Variants in TCF7L2 observed in about 807,000 individuals in gnomAD.
The protein encoded by TCF7L2 is transcription factor 7-like 2.
Under a neutral mutation model 77.9 loss-of-function variants are expected in TCF7L2, and 23 were observed. The ratio of observed to expected loss-of-function variants is 0.30; its 90% CI spans 0.21 to 0.42. The LOEUF (loss-of-function observed/expected upper bound fraction) is 0.42, where lower values mean the gene tolerates loss of function less well. Among genes scored for constraint, TCF7L2 ranks in the 10% least tolerant of loss-of-function variants. The probability of loss-of-function intolerance (pLI) is 1.00; values close to 1 mark genes in which losing one functional copy is unlikely to be tolerated. For missense variants in TCF7L2, 654 were observed against 793.1 expected (o/e 0.82, Z 2.11); for synonymous variants, 413 against 340.2 (o/e 1.21, Z -2.36).
chr10:113,062,979 C>T lies in TCF7L2; in HGVS notation c.552+22853C>T, dbSNP rs146186653. ...CATGAATAATTAGTTGGGGACTGTG[C>T]ATCAGGTCTCTCATTTTACATTCGA... On this transcript the variant is annotated intron_variant, in intron 5 of 13. Coordinates refer to ENST00000627217, the MANE Select transcript of TCF7L2 (RefSeq NM_001146274.2). 2.0e-3 allele frequency among the ~76,000 whole-genome samples: 309 copies of T among 152,252 alleles called. 1 individual carries two copies. Among genetic ancestry groups the T allele is most frequent in the African/African-American group, 7.1e-3 (296 of 41,538 alleles).
chr10:113,070,914 C>T (rs967408096), intron 5 of TCF7L2, among the ~76,000 whole-genome samples: 2 of 152,164 alleles, frequency 1.3e-5, no homozygotes, highest in African/African-American at 2.4e-5. Flanking sequence ...CACAAAACCC[C>T]CGTGTCTCCT....
chr10:113,158,559 G>T, intron 12 of TCF7L2, 108 bp from the exon 13 acceptor site: 1 of 1,084,756 alleles, frequency 9.2e-7, no homozygotes, highest in South Asian at 1.4e-5. Flanking sequence ...GAAGAAATTA[G>T]AAATACTGCA....
intron 5 of TCF7L2, among the ~76,000 whole-genome samples, chr10:113,119,791 A>G (rs1386555171): frequency 1.3e-5 from 2 of 152,136 alleles, no homozygotes; most frequent in Admixed American, 6.5e-5. Flanking sequence ...AGTTTGGTTC[A>G]GTGCATCTGA....
intron 4 of TCF7L2, among the ~76,000 whole-genome samples, chr10:112,972,722 T>C (rs1057400036): frequency 5.3e-5 from 8 of 152,268 alleles, no homozygotes; most frequent in Admixed American, 5.2e-4. Flanking sequence ...CCGCCTGCCT[T>C]AGCCTCCCAA....
intron 5 of TCF7L2, among the ~76,000 whole-genome samples, chr10:113,078,264 A>G (rs571679053): frequency 1.3e-5 from 2 of 152,272 alleles, no homozygotes; most frequent in South Asian, 4.1e-4. Context: ...AGCGGTCCAC[A>G]CAGTTCAACA....
At chr10:112,965,615 CTGTGTGTGTGTATA>C (rs1311799873) in intron 4 of TCF7L2, among the ~76,000 whole-genome samples, 1,813 of 144,016 alleles carry the variant, frequency 0.013, 12 homozygotes, top group South Asian at 0.02. Context: ...GATAACTTGT[CTGTGTGTGTGTATA>C]TGTGTGTGTG....
intron 5 of TCF7L2, among the ~76,000 whole-genome samples, chr10:113,089,983 T>A (rs2060202368): frequency 6.6e-6 from 1 of 152,206 alleles, no homozygotes; most frequent in Admixed American, 6.5e-5. Context: ...TCTTTTAAAA[T>A]TCAGGGTGCT....
At chr10:112,990,490 T>C (rs1041819942) in intron 4 of TCF7L2, among the ~76,000 whole-genome samples, 1 of 151,714 alleles carries the variant, frequency 6.6e-6, no homozygotes, top group African/African-American at 2.4e-5. Flanking sequence ...GTGGATCGCT[T>C]GAGCCCAGAA....
intron 5 of TCF7L2, among the ~76,000 whole-genome samples, chr10:113,064,253 G>A (rs535234654): frequency 8.2e-4 from 125 of 152,330 alleles, no homozygotes; most frequent in African/African-American, 2.9e-3. Context: ...CCTCCTCTGG[G>A]AGAGGGAGGG....
Position 112,964,613 on chromosome 10 carries a change from A to G in TCF7L2, c.439A>G (p.Ile147Val), listed in dbSNP as rs952541643. The change falls in exon 4 of 14, where the codon ATT becomes GTT. Residue 147 changes from isoleucine to valine, a missense_variant. Around this residue, in one of 6 missense-constraint regions of TCF7L2, gnomAD observed 179 missense variants for 270.6 expected, o/e 0.66. Coordinates refer to ENST00000627217, the MANE Select transcript of TCF7L2 (RefSeq NM_001146274.2). The stretch of plus-strand genomic sequence containing the variant: ...TGCGTACAAAACGATTGAACACCAG[A>G]TTGCAGTTCAGGTAGGAAACGCAAG... The G allele has an allele frequency of 6.2e-7, 1 of 1,613,330 alleles. No individual in the cohort carries two copies. Among genetic ancestry groups the G allele is most frequent in the Non-Finnish European group, 8.5e-7 (1 of 1,179,440 alleles).
At chr10:113,003,017 A>G (rs1345869505) in intron 4 of TCF7L2, among the ~76,000 whole-genome samples, 1 of 152,226 alleles carries the variant, frequency 6.6e-6, no homozygotes, top group Non-Finnish European at 1.5e-5. Flanking sequence ...CTTATGAATA[A>G]GTATAGAAAT....
At chr10:112,952,296 C>G (rs1448556466) in intron 3 of TCF7L2, among the ~76,000 whole-genome samples, 1 of 152,198 alleles carries the variant, frequency 6.6e-6, no homozygotes, top group Non-Finnish European at 1.5e-5. Flanking sequence ...GAAGGTCACA[C>G]TTCCCAGATT....
chr10:112,995,850 G>C (rs1455706526), intron 4 of TCF7L2, among the ~76,000 whole-genome samples: 1 of 152,064 alleles, frequency 6.6e-6, no homozygotes, highest in Non-Finnish European at 1.5e-5. Context: ...TGAGGGTAGG[G>C]AGCATCTGTC....
At chr10:113,060,431 A>T (rs1266760765) in intron 5 of TCF7L2, among the ~76,000 whole-genome samples, 1 of 152,080 alleles carries the variant, frequency 6.6e-6, no homozygotes, top group Non-Finnish European at 1.5e-5. Flanking sequence ...TCAGGACCGA[A>T]TGCACTCGAG....
At chr10:112,979,527 C>T (rs1261942801) in intron 4 of TCF7L2, among the ~76,000 whole-genome samples, 2 of 152,050 alleles carry the variant, frequency 1.3e-5, no homozygotes, top group Non-Finnish European at 2.9e-5. Flanking sequence ...GAAGCCGAGG[C>T]GGGCGGATCA....
chr10:112,961,300 G>A (rs985685921), intron 3 of TCF7L2, among the ~76,000 whole-genome samples: 1 of 140,936 alleles, frequency 7.1e-6, no homozygotes, highest in Admixed American at 7.6e-5. Context: ...GGGATTACAG[G>A]CGTGAGCCAT....
At chr10:113,160,431 GTTTTA>G (rs1199092070) in intron 12 of TCF7L2, among the ~76,000 whole-genome samples, 1 of 151,632 alleles carries the variant, frequency 6.6e-6, no homozygotes, top group African/African-American at 2.4e-5. Flanking sequence ...GTGTTTTATT[GTTTTA>G]TTTTATTATT....
chr10:113,140,929 G>A lies in TCF7L2; in HGVS notation c.553-255G>A, dbSNP rs994026445. On this transcript the variant is annotated intron_variant, in intron 5 of 13. Transcript: ENST00000627217. ...GACTCTTGGGCTCCATAATGGGGTA[G>A]GGGTTGAGAAGGTATTTTAAAAGCC... Among the ~76,000 whole-genome samples the A allele has an allele frequency of 1.6e-4, 25 of 152,182 alleles. 1 individual carries two copies. The highest frequency in any genetic ancestry group is 3.2e-4 in the Non-Finnish European group (22 of 68,040).
At chr10:113,010,818 A>G (rs1477755755) in intron 4 of TCF7L2, among the ~76,000 whole-genome samples, 1 of 152,208 alleles carries the variant, frequency 6.6e-6, no homozygotes, top group African/African-American at 2.4e-5. Context: ...GTTCCAGACC[A>G]GCTTGGGCAA....
Sources: gnomAD v4.1 joint callset for allele counts (sites outside exome capture counted in the v4.1 genomes callset) on GRCh38, gnomAD v4.1.1 for gene constraint, gnomAD v4.1.1 regional missense constraint, MANE v1.5 for transcripts, NCBI Gene and HGNC (gene_info 2026-07-23, HGNC 2026-07-21) for gene names.